THRB: variants seen among roughly 807,000 people sequenced by gnomAD.
THRB encodes thyroid hormone receptor beta.
THRB carries 12 observed loss-of-function variants against 47.8 expected under a neutral mutation model. The observed-to-expected ratio is 0.25, with a 90% CI of 0.16 to 0.41. The LOEUF (loss-of-function observed/expected upper bound fraction) is 0.41, where lower values mean the gene tolerates loss of function less well. THRB is among the 10% of genes least tolerant of loss of function. THRB has a pLI of 1.00. For missense variants in THRB, 348 were observed against 589.2 expected (o/e 0.59, Z 4.24); for synonymous variants, 218 against 212.2 (o/e 1.03, Z -0.24).
At chr3:24,367,124 T>G (rs532581896) in intron 1 of THRB, among the ~76,000 whole-genome samples, 1 of 152,272 alleles carries the variant, frequency 6.6e-6, no homozygotes, top group East Asian at 1.9e-4. Context: ...ATACAAATGG[T>G]CAGAGTTACT....
At chr3:24,399,479 G>T (rs978927872) in intron 1 of THRB, among the ~76,000 whole-genome samples, 6 of 152,072 alleles carry the variant, frequency 3.9e-5, no homozygotes, top group African/African-American at 9.7e-5. Context: ...AATGAGAATT[G>T]TAAGATGGTG....
chr3:24,347,684 G>A (rs762436803), intron 1 of THRB, among the ~76,000 whole-genome samples: 13 of 150,198 alleles, frequency 8.7e-5, no homozygotes, highest in Non-Finnish European at 1.6e-4. Flanking sequence ...ACAATAAAAA[G>A]ATAAGGGGAT....
At chr3:24,363,810 G>C (rs2064248430) in intron 1 of THRB, among the ~76,000 whole-genome samples, 1 of 152,128 alleles carries the variant, frequency 6.6e-6, no homozygotes, top group Non-Finnish European at 1.5e-5. Context: ...AGTCATGTCT[G>C]TGTATTCGGC....
chr3:24,200,217 CATA>C (rs1289809987), intron 4 of THRB, among the ~76,000 whole-genome samples: 1 of 152,150 alleles, frequency 6.6e-6, no homozygotes, highest in African/African-American at 2.4e-5. Flanking sequence ...AAGTTCAGAG[CATA>C]ATGTTTATTC....
At chr3:24,150,289 C>G (rs1016984585) in intron 6 of THRB, among the ~76,000 whole-genome samples, 1 of 152,116 alleles carries the variant, frequency 6.6e-6, no homozygotes, top group Non-Finnish European at 1.5e-5. Flanking sequence ...ATATAGGAAA[C>G]AATTAACCCT....
At chr3:24,341,322 C>T (rs1576979685) in intron 1 of THRB, among the ~76,000 whole-genome samples, 1 of 149,414 alleles carries the variant, frequency 6.7e-6, no homozygotes, top group East Asian at 2.0e-4. Context: ...ACTTCCACTT[C>T]CTGGCTCAAG....
intron 10 of THRB, among the ~76,000 whole-genome samples, chr3:24,125,163 A>C (rs1303009052): frequency 6.6e-6 from 1 of 152,240 alleles, no homozygotes; most frequent in Non-Finnish European, 1.5e-5. Context: ...CAGTAATAAA[A>C]ATCCATTTGA....
intron 1 of THRB, among the ~76,000 whole-genome samples, chr3:24,449,376 G>T (rs1275359346): frequency 6.6e-6 from 1 of 152,110 alleles, no homozygotes; most frequent in Non-Finnish European, 1.5e-5. Context: ...CCTCAGGCAG[G>T]TCTGATGGCT....
intron 4 of THRB, among the ~76,000 whole-genome samples, chr3:24,202,773 G>A (rs1236644717): frequency 6.6e-6 from 1 of 152,190 alleles, no homozygotes; most frequent in Non-Finnish European, 1.5e-5. Flanking sequence ...TTTTACAGAT[G>A]AGAAAACCTT....
At chr3:24,288,475 TC>T (rs1366634894) in intron 3 of THRB, among the ~76,000 whole-genome samples, 1 of 152,210 alleles carries the variant, frequency 6.6e-6, no homozygotes, top group Non-Finnish European at 1.5e-5. Context: ...ATGTGACTGC[TC>T]TTTTTTTTTA....
chr3:24,118,966 C>T lies in THRB; in HGVS notation c.*3918G>A, dbSNP rs890306058. ...TGATAAGGCCAAACCTTTTTTCCCC[C>T]AGTCTGGTTTTTTTTTTTTTTTTTT... On this transcript the variant is annotated 3_prime_UTR_variant, in exon 11 of 11. Coordinates refer to ENST00000646209, the MANE Select transcript of THRB (RefSeq NM_001354712.2). 5.3e-5 allele frequency: 7 copies of T among 132,396 alleles called. No homozygotes were observed. Among genetic ancestry groups the T allele is most frequent in the African/African-American group, 1.8e-4 (6 of 33,426 alleles). The allele number at this position is 132,396 out of a possible 1,614,324, so 8.2% of individuals were successfully genotyped here.
At chr3:24,473,147 C>T (rs1056673747) in intron 1 of THRB, among the ~76,000 whole-genome samples, 2 of 152,120 alleles carry the variant, frequency 1.3e-5, no homozygotes, top group Non-Finnish European at 2.9e-5. Flanking sequence ...GTAATAGAAA[C>T]TTCAGCATTT....
At chr3:24,257,017 T>C (rs2051357644) in intron 3 of THRB, among the ~76,000 whole-genome samples, 1 of 152,144 alleles carries the variant, frequency 6.6e-6, no homozygotes, top group Non-Finnish European at 1.5e-5. Context: ...AGATAGGAGT[T>C]CTGGGTTCTC....
intron 1 of THRB, among the ~76,000 whole-genome samples, chr3:24,423,409 C>G (rs115811928): frequency 1.5e-3 from 233 of 151,874 alleles, no homozygotes; most frequent in African/African-American, 5.3e-3. Flanking sequence ...CTCCCAGTCT[C>G]CCAGCACTGA....
intron 3 of THRB, among the ~76,000 whole-genome samples, chr3:24,230,491 C>T (rs532612993): frequency 6.6e-6 from 1 of 152,300 alleles, no homozygotes; most frequent in South Asian, 2.1e-4. Flanking sequence ...ATTCTTGCCT[C>T]TGATTAGCTC....
intron 1 of THRB, among the ~76,000 whole-genome samples, chr3:24,464,466 A>G (rs1047597284): frequency 1.3e-5 from 2 of 152,142 alleles, no homozygotes; most frequent in Admixed American, 6.5e-5. Flanking sequence ...GTATTTTTCC[A>G]ATGTAGCTAT....
chr3:24,444,673 G>A (rs929120534), intron 1 of THRB, among the ~76,000 whole-genome samples: 14 of 152,056 alleles, frequency 9.2e-5, no homozygotes, highest in Non-Finnish European at 8.8e-5. Flanking sequence ...GCATGATCTC[G>A]GCTCACTGCA....
At chr3:24,413,435 T>C (rs1036103656) in intron 1 of THRB, among the ~76,000 whole-genome samples, 2 of 151,810 alleles carry the variant, frequency 1.3e-5, no homozygotes, top group Non-Finnish European at 2.9e-5. Flanking sequence ...TGTTTATATT[T>C]AAGTATTGGC....
At chr3:24,208,458 G>C (rs1367898055) in intron 4 of THRB, among the ~76,000 whole-genome samples, 1 of 152,126 alleles carries the variant, frequency 6.6e-6, no homozygotes, top group Non-Finnish European at 1.5e-5. Context: ...ATACTACAAG[G>C]CTACAGTAAC....
Sources: gnomAD v4.1 joint callset for allele counts (sites outside exome capture counted in the v4.1 genomes callset) on GRCh38, gnomAD v4.1.1 for gene constraint, MANE v1.5 for transcripts, NCBI Gene and HGNC (gene_info 2026-07-23, HGNC 2026-07-21) for gene names.